PIGN: variants seen among roughly 807,000 people sequenced by gnomAD.
PIGN encodes the protein phosphatidylinositol glycan anchor biosynthesis class N.
PIGN carries 117 observed loss-of-function variants against 125.4 expected under a neutral mutation model. The observed-to-expected ratio is 0.93, with a 90% confidence interval of 0.80 to 1.09. The LOEUF (loss-of-function observed/expected upper bound fraction) is 1.09, where lower values mean the gene tolerates loss of function less well. Among genes scored for constraint, PIGN ranks in the 50% least tolerant of loss-of-function variants. PIGN has a pLI of 0.00. For missense variants in PIGN, 1,075 were observed against 1,094.9 expected (o/e 0.98, Z 0.26); for synonymous variants, 392 against 377.8 (o/e 1.04, Z -0.44).
intron 22 of PIGN, among the ~76,000 whole-genome samples, chr18:62,099,885 C>T (rs757434311): frequency 3.3e-5 from 5 of 152,106 alleles, no homozygotes; most frequent in Non-Finnish European, 7.4e-5. Context: ...ATTTGGAAAA[C>T]ACTTCAGGAC....
rs566327172 is a variant in PIGN, at chr18:62,131,536, G to A, written c.1172+6707C>T. ...TCATCCTTCAGCATACCATCACCAG[G>A]GTCTGCCAGACCCAATTTTAGCTTC... On this transcript the variant is annotated intron_variant, in intron 14 of 30. Coordinates refer to ENST00000640252, the MANE Select transcript of PIGN (RefSeq NM_176787.5). 8.6e-5 allele frequency among the ~76,000 whole-genome samples: 13 copies of A among 152,044 alleles called. No homozygotes were observed. The South Asian group carries it at 1.5e-3, about 17-fold the overall frequency.
chr18:62,114,408 A>T (rs2035007592), intron 15 of PIGN, among the ~76,000 whole-genome samples, 153 bp downstream of exon 15: 1 of 151,966 alleles, frequency 6.6e-6, no homozygotes, highest in Admixed American at 6.6e-5. Flanking sequence ...AATAAGAGAG[A>T]TCTGTCCACT....
intron 14 of PIGN, chr18:62,138,001 C>A: frequency 2.1e-6 from 1 of 467,116 alleles, no homozygotes; most frequent in Non-Finnish European, 3.7e-6. Flanking sequence ...TGGAGTTCAC[C>A]TGCTTAATAT....
intron 14 of PIGN, among the ~76,000 whole-genome samples, chr18:62,117,779 T>C (rs1295974187): frequency 6.6e-6 from 1 of 151,740 alleles, no homozygotes; most frequent in Non-Finnish European, 1.5e-5. Context: ...ATCAAAGCTA[T>C]TTTTTTTAGC....
rs925877128 is a variant in PIGN at position 62,141,184 on chromosome 18, G to A, written c.964-705C>T. 5.9e-5 allele frequency among the ~76,000 whole-genome samples: 9 copies of A among 152,046 alleles called. No individual in the cohort carries two copies. The East Asian group carries it at 7.7e-4, about 13-fold the overall frequency. ...TAATTTTTCAGGCAATAAAGTACTC[G>A]GAATTGAGAATGCCCAGTTTCAAAT... is the stretch of plus-strand genomic sequence containing the variant. On this transcript the variant is annotated intron_variant, in intron 11 of 30. Coordinates refer to ENST00000640252, the MANE Select transcript of PIGN (RefSeq NM_176787.5).
intron 17 of PIGN, 105 bp from the exon 18 acceptor site, chr18:62,107,190 A>G: frequency 1.4e-6 from 1 of 731,020 alleles, no homozygotes; most frequent in Non-Finnish European, 2.4e-6. Context: ...TTCCATTTAT[A>G]GATTATTCAA....
rs544943917 is a variant in PIGN at position 62,172,394 on chromosome 18, C to T, written c.-235-8738G>A. Among the ~76,000 whole-genome samples, 262 of 152,100 alleles carry T rather than the reference C, an allele frequency of 1.7e-3. 1 individual carries two copies. Among genetic ancestry groups the T allele is most frequent in the African/African-American group, 5.6e-3 (231 of 41,514 alleles). On this transcript the variant is annotated intron_variant, in intron 1 of 30. Coordinates refer to ENST00000640252, the MANE Select transcript of PIGN (RefSeq NM_176787.5). ...TTTCAGTTAGATCTTAAATTCTATC[C>T]AGAGCTAAAGTACATATGGCATATT...
chr18:62,174,355 C>T (rs776960455), intron 1 of PIGN: 1 of 152,138 alleles, frequency 6.6e-6, no homozygotes, highest in Non-Finnish European at 1.5e-5. Context: ...AGACACACTC[C>T]CATTCACTTC....
intron 1 of PIGN, among the ~76,000 whole-genome samples, chr18:62,176,096 TAA>T: frequency 6.6e-6 from 1 of 152,270 alleles, no homozygotes; most frequent in East Asian, 1.9e-4. Flanking sequence ...AACTAGGCTA[TAA>T]AAGAGTATCT....
chr18:62,154,609 T>C lies in PIGN; in HGVS notation c.485A>G (p.Lys162Arg), dbSNP rs1230133173. The change falls in exon 7 of 31, where the codon AAA becomes AGA. Residue 162 changes from lysine to arginine, a missense_variant. By Grantham distance (26) the Lys-to-Arg change is conservative. Transcript: ENST00000640252. ...DHVYTYSYDA[K>R]REDFGAQDAT... ...ATCTTGAGCACCAAAATCCTCTCTTTTAGCATCATAACTATATGTATAAAC... is the reference window on the plus strand; with the variant it reads ...ATCTTGAGCACCAAAATCCTCTCTTCTAGCATCATAACTATATGTATAAAC... The C allele has an allele frequency of 1.9e-6, 3 of 1,592,236 alleles. No homozygotes were observed.
At chr18:62,049,952 AG>A (rs2031126666) in intron 30 of PIGN, among the ~76,000 whole-genome samples, 1 of 150,012 alleles carries the variant, frequency 6.7e-6, no homozygotes, top group South Asian at 2.1e-4. Context: ...TTTATTAAAT[AG>A]GGAATCCTTT....
At chr18:62,109,182 T>C (rs2034776274) in intron 17 of PIGN, among the ~76,000 whole-genome samples, 1 of 152,212 alleles carries the variant, frequency 6.6e-6, no homozygotes, top group Non-Finnish European at 1.5e-5. Context: ...CATGAACTAG[T>C]ACTCCCTTCT....
At chr18:62,180,256 T>C (rs1308083234) in intron 1 of PIGN, among the ~76,000 whole-genome samples, 2 of 152,200 alleles carry the variant, frequency 1.3e-5, no homozygotes, top group Admixed American at 1.3e-4. Flanking sequence ...TAGTACATGA[T>C]TATTTTGAAA....
chr18:62,088,684 C>T, intron 25 of PIGN, 72 bp downstream of exon 25: 1 of 813,468 alleles, frequency 1.2e-6, no homozygotes, highest in Admixed American at 2.1e-5. Context: ...TGGGCAGAAA[C>T]ACCTTCCATG....
chr18:62,035,594 G>A (rs966721968), intron 23 of PIGN, among the ~76,000 whole-genome samples: 6 of 151,952 alleles, frequency 3.9e-5, no homozygotes, highest in Admixed American at 6.6e-5. Context: ...TGTTACATAT[G>A]TATACATGTG....
intron 30 of PIGN, 124 bp downstream of exon 30, chr18:62,072,549 G>A (rs2032940332): frequency 4.1e-6 from 3 of 727,128 alleles, no homozygotes; most frequent in Non-Finnish European, 7.1e-6. Context: ...TGTGTTGTAG[G>A]CTACACCATC....
intron 29 of PIGN, among the ~76,000 whole-genome samples, chr18:62,073,639 G>T (rs1234356105): frequency 1.3e-5 from 2 of 152,176 alleles, no homozygotes; most frequent in African/African-American, 4.8e-5. Context: ...CACATTATGT[G>T]TGGTCAGTTT....
chr18:62,056,621 C>T (rs563351452), intron 30 of PIGN: 4 of 152,354 alleles, frequency 2.6e-5, no homozygotes, highest in African/African-American at 9.7e-5. Flanking sequence ...GCCTCAGGTA[C>T]CTTTCTTGTC....
At chr18:62,116,375 G>T (rs1009623080) in intron 14 of PIGN, among the ~76,000 whole-genome samples, 1 of 151,954 alleles carries the variant, frequency 6.6e-6, no homozygotes, top group Non-Finnish European at 1.5e-5. Flanking sequence ...AATTGATATG[G>T]GCATCTCACT....
Sources: allele counts gnomAD v4.1 joint callset (sites outside exome capture counted in the v4.1 genomes callset), GRCh38; gene constraint gnomAD v4.1.1; transcripts MANE v1.5; gene names NCBI Gene and HGNC (gene_info 2026-07-23, HGNC 2026-07-21).